GSG1L: variants seen among roughly 807,000 people sequenced by gnomAD.
The protein encoded by GSG1L is germ cell-specific gene 1-like protein.
A neutral mutation model predicts 42.1 loss-of-function variants in GSG1L; 24 were observed. The observed-to-expected ratio is 0.57, with a 90% CI of 0.41 to 0.80. GSG1L has a LOEUF of 0.80. Among genes scored for constraint, GSG1L ranks in the 30% least tolerant of loss-of-function variants. The pLI is 0.00. For missense variants in GSG1L, 445 were observed against 472.2 expected, an observed-to-expected ratio of 0.94 and a Z score of 0.53; for synonymous variants, 215 against 203.5, an observed-to-expected ratio of 1.06 and a Z score of -0.48.
At position 27,922,774 on chromosome 16, in the gene GSG1L, T is replaced by G. The variant is rs372972201; in HGVS notation, c.398-38136A>C. Among the ~76,000 whole-genome samples, 37 of 152,216 alleles carry G rather than the reference T, an allele frequency of 2.4e-4. No individual in the cohort carries two copies. The South Asian group carries it at 7.7e-3, about 32-fold the overall frequency. The stretch of plus-strand genomic sequence containing the variant: ...CATAAGCCTCCTCATCACTCCTAAC[T>G]CCACACCTGCTCTAACATATTTTTG... On this transcript the variant is annotated intron_variant, in intron 2 of 6. Coordinates refer to ENST00000447459, the MANE Select transcript of GSG1L (RefSeq NM_001109763.2).
intron 1 of GSG1L, among the ~76,000 whole-genome samples, chr16:28,006,497 TG>T (rs1214661007): frequency 6.6e-6 from 1 of 151,738 alleles, no homozygotes; most frequent in Non-Finnish European, 1.5e-5. Context: ...TTAGTAGAGA[TG>T]GGGTTTCACC....
At chr16:27,960,862 A>G (rs1439920483) in intron 2 of GSG1L, among the ~76,000 whole-genome samples, 1 of 152,098 alleles carries the variant, frequency 6.6e-6, no homozygotes, top group African/African-American at 2.4e-5. Flanking sequence ...ACATTTTTAT[A>G]TACACAGCCA....
chr16:28,036,277 T>C (rs1176487767), intron 1 of GSG1L, among the ~76,000 whole-genome samples: 1 of 152,192 alleles, frequency 6.6e-6, no homozygotes, highest in Non-Finnish European at 1.5e-5. Context: ...CGAAGCTGCC[T>C]GAGGCCCCCA....
At chr16:27,945,871 T>C (rs1310042597) in intron 2 of GSG1L, among the ~76,000 whole-genome samples, 3 of 152,234 alleles carry the variant, frequency 2.0e-5, no homozygotes, top group Non-Finnish European at 2.9e-5. Context: ...GCCTGACAGA[T>C]GGCTGCAAAT....
In GSG1L at chr16:28,040,405, T is replaced by C. The variant is rs114195009; in HGVS notation, c.349+22671A>G. On this transcript the variant is annotated intron_variant, in intron 1 of 6. Coordinates refer to ENST00000447459, the MANE Select transcript of GSG1L (RefSeq NM_001109763.2). The surrounding 1 kb of genome is among the most constrained non-coding windows in gnomAD (Gnocchi z 4.1). ...TTCTTTCACTGTAATTCTCATGCTC[T>C]AAAACCATCTTATTTGCTTATCTGT... 3.6e-3 allele frequency among the ~76,000 whole-genome samples: 546 copies of C among 152,326 alleles called. 7 individuals carry two copies. Among genetic ancestry groups the C allele is most frequent in the African/African-American group, 0.012 (505 of 41,578 alleles).
At chr16:28,010,076 G>A (rs769719619) in intron 1 of GSG1L, among the ~76,000 whole-genome samples, 1 of 152,184 alleles carries the variant, frequency 6.6e-6, no homozygotes, top group Non-Finnish European at 1.5e-5. Flanking sequence ...GAGGGAAGCG[G>A]CTTTGCACGC....
chr16:28,042,172 G>T (rs1471301697), intron 1 of GSG1L, among the ~76,000 whole-genome samples: 2 of 152,072 alleles, frequency 1.3e-5, no homozygotes, highest in African/African-American at 4.8e-5. Context: ...GCAGTGGTTC[G>T]TGCCTGTAAT....
chr16:27,828,180 T>A (rs2083235001), intron 5 of GSG1L, among the ~76,000 whole-genome samples: 1 of 151,356 alleles, frequency 6.6e-6, no homozygotes, highest in African/African-American at 2.4e-5. Flanking sequence ...TGTCCAGCCA[T>A]CTGTCTATCC....
Position 27,973,850 on chromosome 16 carries a change from G to A in GSG1L, c.350-10647C>T, listed in dbSNP as rs556972287. Among the ~76,000 whole-genome samples the A allele has an allele frequency of 2.1e-3, 320 of 152,234 alleles. 5 individuals are homozygous for A. Among genetic ancestry groups the A allele is most frequent in the African/African-American group, 7.5e-3 (313 of 41,530 alleles). ...GTACAGCTGGGACAACTCAGTGGGC[G>A]GCAGTCCAGGTTGCCTGAGGCTGCT... On this transcript the variant is annotated intron_variant, in intron 1 of 6. Transcript: ENST00000447459.
chr16:27,870,221 ATC>A (rs994660020), intron 3 of GSG1L, among the ~76,000 whole-genome samples: 1 of 51,808 alleles, frequency 1.9e-5, no homozygotes, highest in African/African-American at 8.6e-5. Context: ...TTCTCTTTCC[ATC>A]TCTCTGTCTC....
chr16:28,063,155 C>T lies in GSG1L; in HGVS notation c.270G>A (p.Glu90=), dbSNP rs1322789526. The T allele has an allele frequency of 7.0e-7, 1 of 1,418,676 alleles. No homozygotes were observed. 87.9% of individuals were successfully genotyped at this position (1,418,676 alleles called of 1,614,324 possible). ...TGAAGAGGAAGCGGTCGTCGCCGGT[C>T]TCCCAGCTGTAGAGCGCGCCGCCAG... ...GPPGGALYSW[E]TGDDRFLFRN... Residue 90 remains glutamate, a synonymous_variant, in exon 1 of 7, where the codon GAG becomes GAA. Transcript: ENST00000447459. This position sits in a 1 kb window ranked among gnomAD's most constrained non-coding sequence, Gnocchi z 5.8.
intron 3 of GSG1L, among the ~76,000 whole-genome samples, chr16:27,875,901 A>G (rs368690624): frequency 6.6e-6 from 1 of 152,142 alleles, no homozygotes; most frequent in South Asian, 2.1e-4. Flanking sequence ...TGATACTAAC[A>G]CAGAAGAAGG....
chr16:27,911,256 C>CCT lies in GSG1L; in HGVS notation c.398-26620_398-26619dup, dbSNP rs1483976484. Among the ~76,000 whole-genome samples, 47 of 96,398 alleles carry CCT rather than the reference C, an allele frequency of 4.9e-4. No individual in the cohort carries two copies. In the South Asian group the frequency reaches 5.2e-3, roughly 11 times the overall value. 63.2% of individuals were successfully genotyped at this position (96,398 alleles called of 152,430 possible). On this transcript the variant is annotated intron_variant, in intron 2 of 6. Coordinates refer to ENST00000447459, the MANE Select transcript of GSG1L (RefSeq NM_001109763.2). The stretch of plus-strand genomic sequence containing the variant: ...CCTCCTTTCTTCTCTAGCCTCATCA[C>CCT]CTCTCTCTCGCTCTCTCTCTCTCTC...
intron 1 of GSG1L, among the ~76,000 whole-genome samples, chr16:28,007,832 T>C (rs972630956): frequency 2.6e-5 from 4 of 152,142 alleles, no homozygotes; most frequent in Non-Finnish European, 4.4e-5. Flanking sequence ...TGTGTTGTTT[T>C]AAGCCACTGA....
At chr16:27,892,333 T>C (rs2084139443) in intron 2 of GSG1L, among the ~76,000 whole-genome samples, 1 of 151,944 alleles carries the variant, frequency 6.6e-6, no homozygotes, top group Non-Finnish European at 1.5e-5. Context: ...CGCGTGCCTG[T>C]AGCCCCAGCT....
At chr16:27,993,295 T>G (rs548022537) in intron 1 of GSG1L, among the ~76,000 whole-genome samples, 3 of 152,208 alleles carry the variant, frequency 2.0e-5, no homozygotes, top group African/African-American at 7.2e-5. Context: ...ACTACAGGCA[T>G]GCACCACCAT....
chr16:28,061,518 C>T (rs766271971), intron 1 of GSG1L, among the ~76,000 whole-genome samples: 1 of 152,112 alleles, frequency 6.6e-6, no homozygotes, highest in African/African-American at 2.4e-5. Context: ...AGGAAGCCTC[C>T]GGTTCATCAT....
intron 4 of GSG1L, 108 bp from the exon 5 acceptor site, chr16:27,829,064 T>G: frequency 9.3e-7 from 1 of 1,072,896 alleles, no homozygotes; most frequent in Non-Finnish European, 1.3e-6. Flanking sequence ...CCTTTTCCTC[T>G]GGTACTTAAG....
At chr16:27,864,862 T>C (rs1413873977) in intron 3 of GSG1L, among the ~76,000 whole-genome samples, 1 of 152,182 alleles carries the variant, frequency 6.6e-6, no homozygotes, top group Non-Finnish European at 1.5e-5. Context: ...GCCCAGCCCA[T>C]GTGTGGGTCC....
Sources: gnomAD v4.1 joint callset for allele counts (sites outside exome capture counted in the v4.1 genomes callset) on GRCh38, gnomAD v4.1.1 for gene constraint, Gnocchi (gnomAD v3.1) non-coding constraint, MANE v1.5 for transcripts, NCBI Gene and HGNC (gene_info 2026-07-23, HGNC 2026-07-21) for gene names.